FBN1: variants seen among roughly 807,000 people sequenced by gnomAD.
FBN1 encodes the protein fibrillin-1.
In FBN1, 29 loss-of-function variants were observed where a neutral mutation model predicts 365.1. That is an observed-to-expected ratio of 0.08 (90% CI 0.06 to 0.11). FBN1 has a LOEUF of 0.11. FBN1 is among the 10% of genes least tolerant of loss of function. The pLI, the probability that FBN1 is intolerant of heterozygous loss-of-function variation, is 1.00. For missense variants in FBN1, 2,476 were observed against 3,703.2 expected (o/e 0.67, Z 8.60); for synonymous variants, 1,210 against 1,270.5 (o/e 0.95, Z 1.01).
At chr15:48,485,550 C>G in intron 29 of FBN1, 54 bp from the exon 30 acceptor site, 2 of 1,595,516 alleles carry the variant, frequency 1.3e-6, no homozygotes, top group Non-Finnish European at 1.7e-6. Context: ...TGTCTGTCCC[C>G]TCCAATACTC....
In FBN1 at chr15:48,488,591, T is replaced by C. The variant is rs1422509919; in HGVS notation, c.3083-98A>G. ...TTTAAATCATGAAGGTTGGAAGTTC[T>C]TGATTTAAGGTCTTGGCAGTATACA... On this transcript the variant is annotated intron_variant, in intron 25 of 65. Transcript: ENST00000316623. 5.0e-6 allele frequency: 7 copies of C among 1,408,030 alleles called. No homozygotes were observed. In the African/African-American group the frequency reaches 5.7e-5, roughly 11 times the overall value. The allele number at this position is 1,408,030 out of a possible 1,614,324, so 87.2% of individuals were successfully genotyped here.
chr15:48,435,782 G>GTATA (rs1178694998), intron 53 of FBN1, among the ~76,000 whole-genome samples: 1 of 70,396 alleles, frequency 1.4e-5, no homozygotes, highest in African/African-American at 3.6e-5. Context: ...ATGTGTGTGT[G>GTATA]TGTGTGTGTG....
Position 48,503,166 on chromosome 15 carries a change from C to T in FBN1, c.2113+621G>A, listed in dbSNP as rs148167816. Among the ~76,000 whole-genome samples, 129 of 151,716 alleles carry T rather than the reference C, an allele frequency of 8.5e-4. No individual in the cohort carries two copies. In the East Asian group the frequency reaches 0.022, roughly 25 times the overall value. ...TACAAAAATTAGCCGGGCGTGGTGG[C>T]GCACACGTGTAATCCCAGCTACTCA... On this transcript the variant is annotated intron_variant, in intron 17 of 65. Coordinates refer to ENST00000316623, the MANE Select transcript of FBN1 (RefSeq NM_000138.5).
At chr15:48,418,872 A>C (rs1474255794) in intron 63 of FBN1, among the ~76,000 whole-genome samples, 1 of 152,228 alleles carries the variant, frequency 6.6e-6, no homozygotes, top group Non-Finnish European at 1.5e-5. Context: ...CCGATAGGAA[A>C]CTTCACAAAT....
chr15:48,625,715 A>G (rs1376579088), intron 2 of FBN1, among the ~76,000 whole-genome samples: 1 of 152,234 alleles, frequency 6.6e-6, no homozygotes, highest in African/African-American at 2.4e-5. Flanking sequence ...TATTTCTAGC[A>G]CGAGTGGCTT....
rs571001335 is a variant in FBN1, at chr15:48,590,327, G to A, written c.538+5956C>T. Reference sequence around the variant, plus strand: ...AGGTAAAGTTTTTACTTTCTTTTTCGAAGCAGGTGTTTCCAAAATGGACTA... The same window carrying A: ...AGGTAAAGTTTTTACTTTCTTTTTCAAAGCAGGTGTTTCCAAAATGGACTA... On this transcript the variant is annotated intron_variant, in intron 6 of 65. Transcript: ENST00000316623. 9.0e-4 allele frequency among the ~76,000 whole-genome samples: 137 copies of A among 152,200 alleles called. 1 individual carries two copies. Among genetic ancestry groups the A allele is most frequent in the African/African-American group, 3.3e-3 (136 of 41,530 alleles).
At chr15:48,510,316 A>T in intron 13 of FBN1, 147 bp from the exon 14 acceptor site, 1 of 767,306 alleles carries the variant, frequency 1.3e-6, no homozygotes, top group South Asian at 1.7e-5. Flanking sequence ...TTGGTTATCA[A>T]ATAATGTGAT....
At chr15:48,588,203 A>C (rs1276443621) in intron 6 of FBN1, among the ~76,000 whole-genome samples, 1 of 152,212 alleles carries the variant, frequency 6.6e-6, no homozygotes, top group Admixed American at 6.5e-5. Flanking sequence ...TGGAAAAGAG[A>C]ATACAATATA....
rs73394291 is a variant in FBN1 at position 48,616,337 on chromosome 15, G to A, written c.165-3245C>T. On this transcript the variant is annotated intron_variant, in intron 2 of 65. Coordinates refer to ENST00000316623, the MANE Select transcript of FBN1 (RefSeq NM_000138.5). ...CATTCATTCTTAAATCATTCTAAAT[G>A]CTATGTGGTATGGCTCAACGCAAAG... is the stretch of plus-strand genomic sequence containing the variant. Among the ~76,000 whole-genome samples, 903 of 152,300 alleles carry A rather than the reference G, an allele frequency of 5.9e-3. 9 individuals are homozygous for A. Among genetic ancestry groups the A allele is most frequent in the African/African-American group, 0.021 (880 of 41,554 alleles).
chr15:48,580,084 A>G (rs1190482829), intron 6 of FBN1, among the ~76,000 whole-genome samples: 2 of 152,024 alleles, frequency 1.3e-5, no homozygotes, highest in South Asian at 2.1e-4. Flanking sequence ...GTATTTCTCA[A>G]TCCAGCCTCT....
intron 6 of FBN1, among the ~76,000 whole-genome samples, chr15:48,562,607 T>TAGCAA (rs2044231341): frequency 6.6e-6 from 1 of 152,210 alleles, no homozygotes; most frequent in South Asian, 2.1e-4. Flanking sequence ...TATTTTCATT[T>TAGCAA]TCAAGGACAA....
In FBN1 at chr15:48,644,614, C is replaced by A. The variant is rs25398; in HGVS notation, c.156G>T (p.Ala52=). The change falls in exon 2 of 66, where the codon GCG becomes GCT. Residue 52 remains alanine, a synonymous_variant. Coordinates refer to ENST00000316623, the MANE Select transcript of FBN1 (RefSeq NM_000138.5). Reference sequence around the variant, plus strand: ...GGAACCGGTTCCTTTACCCTTTAAGCGCGTCGTGTCCTCCACCGCCTCTTC... The same window carrying A: ...GGAACCGGTTCCTTTACCCTTTAAGAGCGTCGTGTCCTCCACCGCCTCTTC... ...AKRRGGGGHD[A]LKGPNVCGSR... 18,970 of 1,614,074 alleles carry A rather than the reference C, an allele frequency of 0.012. 2,132 individuals are homozygous for A. In the African/African-American group the frequency reaches 0.23, roughly 19 times the overall value.
intron 17 of FBN1, among the ~76,000 whole-genome samples, chr15:48,499,311 T>C (rs2043635673): frequency 6.6e-6 from 1 of 152,222 alleles, no homozygotes; most frequent in South Asian, 2.1e-4. Flanking sequence ...TCCTATAACT[T>C]GATTTTGTTC....
intron 2 of FBN1, among the ~76,000 whole-genome samples, chr15:48,617,122 C>T (rs1034044495): frequency 2.6e-5 from 4 of 152,030 alleles, no homozygotes; most frequent in African/African-American, 2.4e-5. Flanking sequence ...ACAGAATGTC[C>T]ATCAATAGAC....
chr15:48,602,669 C>A (rs2044576416), intron 4 of FBN1, among the ~76,000 whole-genome samples: 1 of 152,116 alleles, frequency 6.6e-6, no homozygotes, highest in Admixed American at 6.5e-5. Flanking sequence ...AATCAAGCAA[C>A]CCCGGAAACT....
intron 4 of FBN1, among the ~76,000 whole-genome samples, chr15:48,608,953 G>A (rs943190191): frequency 6.6e-6 from 1 of 152,136 alleles, no homozygotes; most frequent in African/African-American, 2.4e-5. Context: ...ACCCAGTTTT[G>A]CCATCTGGCT....
chr15:48,428,284 G>A (rs1386728420), intron 57 of FBN1, 62 bp downstream of exon 57: 1 of 1,588,444 alleles, frequency 6.3e-7, no homozygotes, highest in African/African-American at 1.3e-5. Context: ...TAAGAAGTCT[G>A]GGTTTCCAGC....
At chr15:48,446,865 A>C in intron 46 of FBN1, 43 bp from the exon 47 acceptor site, 2 of 1,358,482 alleles carry the variant, frequency 1.5e-6, no homozygotes, top group Non-Finnish European at 2.1e-6. Context: ...TTATAAGTAG[A>C]AAAAGTGGTT....
chr15:48,508,486 G>C (rs2043729629), intron 15 of FBN1, 96 bp downstream of exon 15: 1 of 1,541,948 alleles, frequency 6.5e-7, no homozygotes, highest in African/African-American at 1.4e-5. Context: ...GGTACTTTAA[G>C]TGGGGAGAAT....
Sources: gnomAD v4.1 joint callset for allele counts (sites outside exome capture counted in the v4.1 genomes callset) on GRCh38, gnomAD v4.1.1 for gene constraint, MANE v1.5 for transcripts, NCBI Gene and HGNC (gene_info 2026-07-23, HGNC 2026-07-21) for gene names.